Variants in HS6ST1 observed in about 807,000 individuals in gnomAD.
HS6ST1 encodes heparan sulfate 6-O-sulfotransferase 1, also known as heparan-sulfate 6-O-sulfotransferase 1.
HS6ST1 carries 3 observed loss-of-function variants against 25.2 expected under a neutral mutation model. The ratio of observed to expected loss-of-function variants is 0.12; its 90% CI spans 0.05 to 0.31. The LOEUF is 0.31. Ranked by LOEUF, HS6ST1 falls within the 10% of genes least tolerant of loss-of-function variation. The pLI, the probability that HS6ST1 is intolerant of heterozygous loss-of-function variation, is 1.00. For missense variants in HS6ST1, 310 were observed against 609.6 expected (o/e 0.51, Z 5.18); for synonymous variants, 204 against 275.1 (o/e 0.74, Z 2.56).
chr2:128,312,540 C>T (rs180794757), intron 1 of HS6ST1, among the ~76,000 whole-genome samples: 3 of 152,120 alleles, frequency 2.0e-5, no homozygotes, highest in Non-Finnish European at 4.4e-5. Flanking sequence ...GTGATGGGCA[C>T]CCAGAGAGGG....
intron 1 of HS6ST1, among the ~76,000 whole-genome samples, chr2:128,269,623 G>A (rs1303360558): frequency 1.3e-5 from 2 of 152,224 alleles, no homozygotes; most frequent in Admixed American, 6.5e-5. Context: ...TGGCGGCTGT[G>A]GATATGCCCG....
At chr2:128,315,713 C>T (rs1694352215) in intron 1 of HS6ST1, among the ~76,000 whole-genome samples, 1 of 152,166 alleles carries the variant, frequency 6.6e-6, no homozygotes, top group Non-Finnish European at 1.5e-5. Context: ...TAGCCCAGCT[C>T]CAGCCTGGGC....
intron 1 of HS6ST1, among the ~76,000 whole-genome samples, chr2:128,309,906 G>A (rs1471824268): frequency 6.6e-6 from 1 of 152,218 alleles, no homozygotes; most frequent in Non-Finnish European, 1.5e-5. Flanking sequence ...GCTCCCATAA[G>A]ACATGGACAC....
chr2:128,286,833 C>T (rs572442187), intron 1 of HS6ST1, among the ~76,000 whole-genome samples: 71 of 152,358 alleles, frequency 4.7e-4, no homozygotes, highest in Non-Finnish European at 5.9e-4. Flanking sequence ...GGCCACGATA[C>T]GCCTTGCCTC....
chr2:128,302,224 C>G (rs762875356), intron 1 of HS6ST1, among the ~76,000 whole-genome samples: 1 of 152,140 alleles, frequency 6.6e-6, no homozygotes, highest in Non-Finnish European at 1.5e-5. Flanking sequence ...GGTCTCAGGC[C>G]CCATGACTCA....
chr2:128,301,366 C>T (rs1354258370), intron 1 of HS6ST1, among the ~76,000 whole-genome samples: 2 of 152,170 alleles, frequency 1.3e-5, no homozygotes, highest in Non-Finnish European at 2.9e-5. Context: ...CATGTGGCTC[C>T]AGGCTACCCT....
At chr2:128,287,618 AG>A (rs1693884611) in intron 1 of HS6ST1, among the ~76,000 whole-genome samples, 1 of 152,242 alleles carries the variant, frequency 6.6e-6, no homozygotes, top group Non-Finnish European at 1.5e-5. Context: ...CGCCGGGTCC[AG>A]GGGTGCTCTG....
chr2:128,289,896 G>A (rs983922284), intron 1 of HS6ST1: 1 of 152,200 alleles, frequency 6.6e-6, no homozygotes, highest in Non-Finnish European at 1.5e-5. Flanking sequence ...CCAAATATAA[G>A]TCACAAATAG....
At chr2:128,292,780 C>G (rs6761320) in intron 1 of HS6ST1, among the ~76,000 whole-genome samples, 20 of 150,356 alleles carry the variant, frequency 1.3e-4, no homozygotes, top group African/African-American at 2.7e-4. Flanking sequence ...GCCATGGGGG[C>G]GGGCAGAGGA....
rs540938897 is a variant in HS6ST1 at position 128,294,027 on chromosome 2, T to C, written c.527+24010A>G. Among the ~76,000 whole-genome samples, 3 of 152,308 alleles carry C rather than the reference T, an allele frequency of 2.0e-5. No individual in the cohort carries two copies. In the East Asian group the frequency reaches 5.8e-4, roughly 29 times the overall value. On this transcript the variant is annotated intron_variant, in intron 1 of 1. Transcript: ENST00000259241. ...CATGTGGGTCCCGAAGCCAGTAGGC[T>C]TGGCTCTGTACCTCCTTGAGGGCAG...
chr2:128,269,790 G>A (rs1008324143), intron 1 of HS6ST1, among the ~76,000 whole-genome samples: 2 of 152,176 alleles, frequency 1.3e-5, no homozygotes, highest in African/African-American at 4.8e-5. Flanking sequence ...CTCACTGCCC[G>A]GGGGAGCAGC....
chr2:128,285,797 T>C (rs1310076780), intron 1 of HS6ST1, among the ~76,000 whole-genome samples: 1 of 152,136 alleles, frequency 6.6e-6, no homozygotes, highest in East Asian at 1.9e-4. Flanking sequence ...AGGGCCTTTC[T>C]CCACTGATGG....
chr2:128,277,861 T>C (rs1693719112), intron 1 of HS6ST1, among the ~76,000 whole-genome samples: 1 of 152,272 alleles, frequency 6.6e-6, no homozygotes, highest in Admixed American at 6.5e-5. Context: ...CACAGAATGA[T>C]CGCCTGGATC....
intron 1 of HS6ST1, among the ~76,000 whole-genome samples, chr2:128,304,642 C>T (rs538838595): frequency 1.0e-4 from 14 of 135,744 alleles, no homozygotes; most frequent in African/African-American, 4.0e-4. Context: ...TGCACACAGC[C>T]GCTGTAGTCA....
intron 1 of HS6ST1, among the ~76,000 whole-genome samples, chr2:128,287,067 T>C (rs909876349): frequency 6.6e-6 from 1 of 152,172 alleles, no homozygotes; most frequent in Non-Finnish European, 1.5e-5. Context: ...CATGATCTCA[T>C]TGCGCCCTGA....
At chr2:128,291,588 G>A (rs973382230) in intron 1 of HS6ST1, among the ~76,000 whole-genome samples, 1 of 152,240 alleles carries the variant, frequency 6.6e-6, no homozygotes, top group African/African-American at 2.4e-5. Context: ...CTGGCTGCAG[G>A]ACCTGGGTCC....
chr2:128,309,776 GCC>G (rs1286326953), intron 1 of HS6ST1, among the ~76,000 whole-genome samples: 7 of 152,200 alleles, frequency 4.6e-5, no homozygotes, highest in Admixed American at 4.6e-4. Flanking sequence ...TCTCACTGAA[GCC>G]CTGGCCCCGC....
intron 1 of HS6ST1, among the ~76,000 whole-genome samples, chr2:128,314,827 C>T (rs187958262): frequency 2.6e-5 from 4 of 152,328 alleles, no homozygotes; most frequent in Admixed American, 2.0e-4. Context: ...CTCCAGATGC[C>T]CTCCGTGGCC....
rs114039284 is a variant in HS6ST1, at chr2:128,316,574, T to C, written c.527+1463A>G. Among the ~76,000 whole-genome samples the C allele has an allele frequency of 1.5e-3, 227 of 151,640 alleles. 2 individuals are homozygous for C. The highest frequency in any genetic ancestry group is 5.3e-3 in the African/African-American group (218 of 40,980). ...GAACGTGCATCTGTGCAGAGCAGACTAAGTGCTGGGCCGGAAGCAATCCTT... is the reference window on the plus strand; with the variant it reads ...GAACGTGCATCTGTGCAGAGCAGACCAAGTGCTGGGCCGGAAGCAATCCTT... On this transcript the variant is annotated intron_variant, in intron 1 of 1. Coordinates refer to ENST00000259241, the MANE Select transcript of HS6ST1 (RefSeq NM_004807.3).
Sources: gnomAD v4.1 joint callset for allele counts (sites outside exome capture counted in the v4.1 genomes callset) on GRCh38, gnomAD v4.1.1 for gene constraint, MANE v1.5 for transcripts, NCBI Gene and HGNC (gene_info 2026-07-23, HGNC 2026-07-21) for gene names.